The following FYB1 variants were observed in gnomAD, a reference collection of about 807,000 sequenced individuals.
FYB1 encodes the protein FYN binding protein 1, also known as FYN-binding protein 1.
Under a neutral mutation model 94.1 loss-of-function variants are expected in FYB1, and 41 were observed. The ratio of observed to expected loss-of-function variants is 0.44; its 90% CI spans 0.34 to 0.57. FYB1 has a LOEUF of 0.57. FYB1 is among the 20% of genes least tolerant of loss of function. The pLI is 0.02. For missense variants in FYB1, 1,050 were observed against 976.8 expected, an observed-to-expected ratio of 1.07 and a Z score of -1.00; for synonymous variants, 367 against 353.2, an observed-to-expected ratio of 1.04 and a Z score of -0.44.
chr5:39,265,773 G>A (rs749514746), intron 1 of FYB1, among the ~76,000 whole-genome samples: 12 of 152,192 alleles, frequency 7.9e-5, no homozygotes, highest in Admixed American at 5.2e-4. Flanking sequence ...AGTGTAACCC[G>A]TGGGAAGCCT....
chr5:39,115,444 G>A (rs1739476299), intron 16 of FYB1, among the ~76,000 whole-genome samples: 1 of 152,094 alleles, frequency 6.6e-6, no homozygotes, highest in African/African-American at 2.4e-5. Flanking sequence ...TTATATTTCT[G>A]GAGTGTCAGT....
chr5:39,237,722 G>C (rs2150581580), intron 1 of FYB1, among the ~76,000 whole-genome samples: 1 of 152,170 alleles, frequency 6.6e-6, no homozygotes, highest in East Asian at 1.9e-4. Flanking sequence ...AATTTGTTTT[G>C]AATATTTCAG....
chr5:39,199,503 C>A (rs1268721854), intron 2 of FYB1, among the ~76,000 whole-genome samples: 3 of 152,100 alleles, frequency 2.0e-5, no homozygotes, highest in African/African-American at 7.2e-5. Flanking sequence ...AAGCTTGTCA[C>A]CCATTTACTG....
At chr5:39,193,301 G>A (rs1289759209) in intron 2 of FYB1, among the ~76,000 whole-genome samples, 1 of 152,174 alleles carries the variant, frequency 6.6e-6, no homozygotes, top group East Asian at 1.9e-4. Context: ...TTGATCCTTA[G>A]ACTATAATTT....
rs1748367630 is a variant in FYB1, at chr5:39,202,003, G to A, written c.958C>T (p.Leu320=). 1.9e-6 allele frequency: 3 copies of A among 1,613,938 alleles called. No individual in the cohort carries two copies. The highest frequency in any genetic ancestry group is 3.3e-5 in the Admixed American group (2 of 60,014). ...PARFPKAPSK[L]TVGGPWGQSQ... ...TGGCCCCATGGCCCCCCCACTGTCA[G>A]CTTAGAAGGGGCCTTAGGGAACCTG... Residue 320 remains leucine, a synonymous_variant, in exon 2 of 19, where the codon CTG becomes TTG. Coordinates refer to ENST00000512982, the MANE Select transcript of FYB1 (RefSeq NM_001465.6).
intron 2 of FYB1, among the ~76,000 whole-genome samples, chr5:39,154,735 C>G (rs1743593899): frequency 6.6e-6 from 1 of 151,846 alleles, no homozygotes; most frequent in Non-Finnish European, 1.5e-5. Context: ...TGGGATTTCA[C>G]CATGCCCGCC....
chr5:39,171,954 G>A (rs1342540201), intron 2 of FYB1, among the ~76,000 whole-genome samples: 5 of 152,084 alleles, frequency 3.3e-5, no homozygotes, highest in Admixed American at 6.5e-5. Flanking sequence ...CAGGGGTGAA[G>A]GATGGTAAAG....
chr5:39,134,073 T>A, intron 9 of FYB1, 135 bp downstream of exon 9: 1 of 579,886 alleles, frequency 1.7e-6, no homozygotes. Context: ...CATGTTGGGG[T>A]TATTGTAAGT....
At chr5:39,168,300 G>C (rs916372063) in intron 2 of FYB1, among the ~76,000 whole-genome samples, 1 of 152,036 alleles carries the variant, frequency 6.6e-6, no homozygotes, top group Non-Finnish European at 1.5e-5. Context: ...TTCAATTACT[G>C]TAAAACCTTT....
intron 9 of FYB1, among the ~76,000 whole-genome samples, chr5:39,132,658 T>C (rs1240558555): frequency 6.6e-6 from 1 of 152,236 alleles, no homozygotes; most frequent in African/African-American, 2.4e-5. Flanking sequence ...CCCAATATGG[T>C]TAAACAAAGT....
At chr5:39,122,699 T>C (rs1740242241) in intron 13 of FYB1, among the ~76,000 whole-genome samples, 1 of 152,092 alleles carries the variant, frequency 6.6e-6, no homozygotes, top group Admixed American at 6.6e-5. Flanking sequence ...ACAAGTGCAA[T>C]GAATGTCAGG....
chr5:39,182,768 A>T (rs1384606677), intron 2 of FYB1, among the ~76,000 whole-genome samples: 1 of 152,168 alleles, frequency 6.6e-6, no homozygotes, highest in African/African-American at 2.4e-5. Context: ...TCCTTGTGCT[A>T]CTACTTTCCC....
At chr5:39,223,592 G>T (rs539613197), upstream of FYB1, among the ~76,000 whole-genome samples, 7 of 152,286 alleles carry the variant, frequency 4.6e-5, no homozygotes, top group African/African-American at 1.4e-4. Context: ...ACACCTCAGT[G>T]CTTCTGGATA....
chr5:39,199,135 AT>A (rs2150486252), intron 2 of FYB1, among the ~76,000 whole-genome samples: 1 of 151,760 alleles, frequency 6.6e-6, no homozygotes, highest in East Asian at 1.9e-4. Flanking sequence ...ATAATTATTT[AT>A]TTTCTACTTA....
chr5:39,245,591 A>T (rs184705158), intron 1 of FYB1, among the ~76,000 whole-genome samples: 7 of 147,134 alleles, frequency 4.8e-5, no homozygotes, highest in African/African-American at 1.6e-4. Context: ...ATGAGAAGGA[A>T]GAGGAAGAGG....
chr5:39,129,189 C>G (rs1365179885), intron 10 of FYB1, among the ~76,000 whole-genome samples: 1 of 151,822 alleles, frequency 6.6e-6, no homozygotes, highest in Non-Finnish European at 1.5e-5. Context: ...GAAAAAGGCA[C>G]CAAGAACATA....
At position 39,271,209 on chromosome 5, in the gene FYB1, A is replaced by T. The variant is rs563983957; in HGVS notation, c.-28+3194T>A. Among the ~76,000 whole-genome samples the T allele has an allele frequency of 2.6e-5, 4 of 152,288 alleles. No homozygotes were observed. In the South Asian group the frequency reaches 8.3e-4, roughly 32 times the overall value. On this transcript the variant is annotated intron_variant, in intron 1 of 1. Coordinates refer to the FYB1 transcript ENST00000510188. ...GTATTTAAATGAAGGAAACACTCAT[A>T]AGCTTATCATAGAATGCCATTCATT...
At position 39,107,116 on chromosome 5, in the gene FYB1, T is replaced by C. The variant is rs988473785; in HGVS notation, c.*327A>G. 8 of 177,386 alleles carry C rather than the reference T, an allele frequency of 4.5e-5. No homozygotes were observed. The highest frequency in any genetic ancestry group is 9.4e-5 in the Non-Finnish European group (8 of 84,742). The allele number at this position is 177,386 out of a possible 1,614,324, so 11.0% of individuals were successfully genotyped here. ...TCTTCCTGAATGATTTTCCTTTTTC[T>C]TTTATTTTTATTTTTTGAAGGAGGA... On this transcript the variant is annotated 3_prime_UTR_variant, in exon 19 of 19. Transcript: ENST00000512982.
intron 16 of FYB1, among the ~76,000 whole-genome samples, chr5:39,116,799 G>A (rs780034589): frequency 1.3e-5 from 2 of 151,100 alleles, no homozygotes; most frequent in African/African-American, 2.4e-5. Context: ...ATAAACTGTA[G>A]AATGTCATGC....
Sources: allele counts gnomAD v4.1 joint callset (sites outside exome capture counted in the v4.1 genomes callset), GRCh38; gene constraint gnomAD v4.1.1; transcripts MANE v1.5; gene names NCBI Gene and HGNC (gene_info 2026-07-23, HGNC 2026-07-21).